The following KBTBD8 variants were observed in gnomAD, a reference collection of about 807,000 sequenced individuals.
KBTBD8 encodes the protein kelch repeat and BTB domain containing 8.
Under a neutral mutation model 53.5 loss-of-function variants are expected in KBTBD8, and 31 were observed. That is an observed-to-expected ratio of 0.58 (90% confidence interval 0.44 to 0.78). KBTBD8 has a LOEUF of 0.78. Ranked by LOEUF, KBTBD8 falls within the 30% of genes least tolerant of loss-of-function variation. The probability of loss-of-function intolerance (pLI) is 0.00; values close to 1 mark genes in which losing one functional copy is unlikely to be tolerated. For missense variants in KBTBD8, 642 were observed against 735.8 expected (o/e 0.87, Z 1.48); for synonymous variants, 250 against 247.3 (o/e 1.01, Z -0.10).
rs546508669 is a variant in KBTBD8, at chr3:67,007,304, T to C, written c.1343-618T>C. 1.2e-4 allele frequency among the ~76,000 whole-genome samples: 18 copies of C among 150,116 alleles called. No individual in the cohort carries two copies. In the South Asian group the frequency reaches 3.1e-3, roughly 26 times the overall value. On this transcript the variant is annotated intron_variant, in intron 3 of 3. Transcript: ENST00000417314. ...AAACACACAAATTGGATAGAGCAAA[T>C]AGAATCAAGTTTGTGTTTTTTTTTT...
intron 2 of KBTBD8, among the ~76,000 whole-genome samples, chr3:67,001,968 G>A (rs1316543946): frequency 6.6e-6 from 1 of 152,146 alleles, no homozygotes; most frequent in African/African-American, 2.4e-5. Flanking sequence ...GGCAAATGAT[G>A]TTTGCAAGTG....
chr3:67,008,167 T>G lies in KBTBD8; in HGVS notation c.1588T>G (p.Phe530Val), dbSNP rs1702086469. The G allele has an allele frequency of 6.2e-7, 1 of 1,614,050 alleles. No homozygotes were observed. The highest frequency in any genetic ancestry group is 1.3e-5 in the African/African-American group (1 of 74,940). Residue 530 changes from phenylalanine to valine, a missense_variant, in exon 4 of 4, where the codon TTC (phenylalanine) becomes GTC (valine). Phe to Val is a conservative substitution (Grantham distance 50). Coordinates refer to ENST00000417314, the MANE Select transcript of KBTBD8 (RefSeq NM_032505.3). ...AAATCCATACCTTAAACTGGTACTT[T>G]TCCAGAACAAACTCCATTTATTTGT... is the stretch of plus-strand genomic sequence containing the variant. ...SINPYLKLVL[F>V]QNKLHLFVRA...
rs776359270 is a variant in KBTBD8, at chr3:67,003,937, C to G, written c.970C>G (p.Leu324Val). 3.2e-5 allele frequency: 52 copies of G among 1,613,946 alleles called. No homozygotes were observed. Among genetic ancestry groups the G allele is most frequent in the Non-Finnish European group, 3.9e-5 (46 of 1,180,024 alleles). Reference sequence around the variant, plus strand: ...TAAACTATGCAAACCACCAAATGACCTGAGAGAAGTTGGGATTCTTGTATC... The same window carrying G: ...TAAACTATGCAAACCACCAAATGACGTGAGAGAAGTTGGGATTCTTGTATC... ...VFKLCKPPND[L>V]REVGILVSPD... Residue 324 changes from leucine to valine, a missense_variant, in exon 3 of 4, where the codon CTG becomes GTG. Physicochemically the swap from Leu to Val is conservative, Grantham distance 32. Transcript: ENST00000417314.
At chr3:66,998,903 GAC>G in intron 1 of KBTBD8, 76 bp from the exon 2 acceptor site, 1 of 1,093,750 alleles carries the variant, frequency 9.1e-7, no homozygotes, top group East Asian at 2.6e-5. Flanking sequence ...CTAGCAAGCA[GAC>G]ACACAAACAG....
At position 67,008,158 on chromosome 3, in the gene KBTBD8, C is replaced by T. The variant is rs367559555; in HGVS notation, c.1579C>T (p.Leu527=). 2.5e-6 allele frequency: 4 copies of T among 1,613,968 alleles called. No homozygotes were observed. The African/African-American group carries it at 4.0e-5, about 16-fold the overall frequency. Residue 527 remains leucine, a synonymous_variant, in exon 4 of 4, where the codon CTG becomes TTG. Transcript: ENST00000417314. ...CDQSINPYLK[L]VLFQNKLHLF... ...TCAGTCCATAAATCCATACCTTAAA[C>T]TGGTACTTTTCCAGAACAAACTCCA... is the stretch of plus-strand genomic sequence containing the variant.
At chr3:67,001,943 A>C (rs574476459) in intron 2 of KBTBD8, among the ~76,000 whole-genome samples, 81 of 152,322 alleles carry the variant, frequency 5.3e-4, no homozygotes, top group Middle Eastern at 6.8e-3. Flanking sequence ...GAAACTTTAA[A>C]GGAGCGAAAA....
chr3:67,005,716 C>T (rs780435768), intron 3 of KBTBD8, among the ~76,000 whole-genome samples: 2 of 151,102 alleles, frequency 1.3e-5, no homozygotes, highest in African/African-American at 2.4e-5. Context: ...CACTCTGTCA[C>T]CCAGGCTGGA....
At chr3:67,006,656 C>T (rs897068414) in intron 3 of KBTBD8, among the ~76,000 whole-genome samples, 1 of 152,168 alleles carries the variant, frequency 6.6e-6, no homozygotes, top group Non-Finnish European at 1.5e-5. Flanking sequence ...ATCACTGTTA[C>T]GAAGTACGTA....
rs575189883 is a variant in KBTBD8 at position 67,009,166 on chromosome 3, A to G, written c.*781A>G. The G allele has an allele frequency of 1.3e-5, 2 of 152,638 alleles. No homozygotes were observed. The highest frequency in any genetic ancestry group is 2.4e-5 in the African/African-American group (1 of 41,454). The allele number at this position is 152,638 out of a possible 1,614,324, so 9.5% of individuals were successfully genotyped here. Reference sequence around the variant, plus strand: ...ATTTAAATGGTCTGAGCCTATGCCTATCTTTCAAATTGGTGTGGATTTCAT... The same window carrying G: ...ATTTAAATGGTCTGAGCCTATGCCTGTCTTTCAAATTGGTGTGGATTTCAT... On this transcript the variant is annotated 3_prime_UTR_variant, in exon 4 of 4. Transcript: ENST00000417314.
At chr3:67,005,668 A>T (rs1312574553) in intron 3 of KBTBD8, among the ~76,000 whole-genome samples, 205 of 117,796 alleles carry the variant, frequency 1.7e-3, no homozygotes, top group African/African-American at 2.1e-3. Context: ...CTTTTCTTTC[A>T]TTTCTTTCTT....
intron 3 of KBTBD8, 119 bp from the exon 4 acceptor site, chr3:67,007,803 A>C: frequency 1.7e-6 from 1 of 586,646 alleles, no homozygotes; most frequent in East Asian, 2.8e-5. Flanking sequence ...GAAATGTTTT[A>C]GAAAGTGAAA....
At position 67,003,229 on chromosome 3, in the gene KBTBD8, C is replaced by G. The variant is rs775014741; in HGVS notation, c.262C>G (p.Gln88Glu). Reference protein sequence around the residue: ...MFTSGLTESTQKEVRIVGVEA... With the variant: ...MFTSGLTESTEKEVRIVGVEA... The stretch of plus-strand genomic sequence containing the variant: ...CACTAGCGGCCTTACAGAAAGTACT[C>G]AAAAAGAAGTTCGAATAGTTGGTGT... Residue 88 changes from glutamine to glutamate, a missense_variant, in exon 3 of 4, where the codon CAA becomes GAA. Gln to Glu is a conservative substitution (Grantham distance 29). Coordinates refer to ENST00000417314, the MANE Select transcript of KBTBD8 (RefSeq NM_032505.3). The G allele has an allele frequency of 1.2e-6, 2 of 1,613,654 alleles. No homozygotes were observed. The highest frequency in any genetic ancestry group is 1.1e-5 in the South Asian group (1 of 91,074).
At chr3:66,998,875 C>G in intron 1 of KBTBD8, 106 bp from the exon 2 acceptor site, 1 of 851,006 alleles carries the variant, frequency 1.2e-6, no homozygotes, top group African/African-American at 1.7e-5. Flanking sequence ...TTGTATATAT[C>G]TTGTAGGGGG....
chr3:67,003,342 T>G lies in KBTBD8; in HGVS notation c.375T>G (p.Thr125=). The G allele has an allele frequency of 6.2e-7, 1 of 1,614,238 alleles. No individual in the cohort carries two copies. The highest frequency in any genetic ancestry group is 1.3e-5 in the African/African-American group (1 of 75,070). Reference sequence around the variant, plus strand: ...AGGCCAATGTTCAAGCCTTGTTCACTGCAGCTAGCATCTTCCAGATTCCTT... The same window carrying G: ...AGGCCAATGTTCAAGCCTTGTTCACGGCAGCTAGCATCTTCCAGATTCCTT... ...LTEANVQALF[T]AASIFQIPSI... Residue 125 remains threonine, a synonymous_variant, in exon 3 of 4, where the codon ACT becomes ACG. Coordinates refer to ENST00000417314, the MANE Select transcript of KBTBD8 (RefSeq NM_032505.3).
chr3:67,005,156 T>G (rs1702054411), intron 3 of KBTBD8, among the ~76,000 whole-genome samples: 1 of 152,206 alleles, frequency 6.6e-6, no homozygotes, highest in African/African-American at 2.4e-5. Context: ...TCTTACACAT[T>G]TTAGTTGCTT....
chr3:66,998,361 C>T lies in KBTBD8; in HGVS notation c.6C>T (p.Ala2=), dbSNP rs1364727217. The T allele has an allele frequency of 7.8e-7, 1 of 1,279,586 alleles. No individual in the cohort carries two copies. The highest frequency in any genetic ancestry group is 3.2e-5 in the East Asian group (1 of 31,518). The allele number at this position is 1,279,586 out of a possible 1,614,324, so 79.3% of individuals were successfully genotyped here. ...AGTCGGGGCCCCATCGAGAAATGGC[C>T]GCGTCGGCAGGTGGGTCGTGTGGTG... is the stretch of plus-strand genomic sequence containing the variant. The part of the protein sequence containing the change: M[A]ASADLSKSSP... Residue 2 remains alanine, a synonymous_variant, in exon 1 of 4, where the codon GCC becomes GCT. Coordinates refer to ENST00000417314, the MANE Select transcript of KBTBD8 (RefSeq NM_032505.3).
rs1191475236 is a variant in KBTBD8 at position 67,008,310 on chromosome 3, G to A, written c.1731G>A (p.Arg577=). The A allele has an allele frequency of 6.2e-6, 10 of 1,613,498 alleles. No homozygotes were observed. The highest frequency in any genetic ancestry group is 7.6e-6 in the Non-Finnish European group (9 of 1,180,006). ...TGAAAGTGTATGAGACCCCAGATCGGCTCTGGGACCTTGGCCGGCATTTTG... is the reference window on the plus strand; with the variant it reads ...TGAAAGTGTATGAGACCCCAGATCGACTCTGGGACCTTGGCCGGCATTTTG... ...QWMKVYETPD[R]LWDLGRHFEC... is the part of the protein sequence containing the mutation. Residue 577 remains arginine (R), a synonymous_variant, in exon 4 of 4, where the codon CGG becomes CGA. Transcript: ENST00000417314.
Position 67,003,532 on chromosome 3 carries a change from C to T in KBTBD8, c.565C>T (p.Leu189Phe). Residue 189 changes from leucine (L) to phenylalanine (F), a missense_variant, in exon 3 of 4, where the codon CTC becomes TTC. Physicochemically the swap from Leu to Phe is conservative, Grantham distance 22. Transcript: ENST00000417314. ...FLCVTKEQEF[L>F]QLTKDQLISI... is the part of the protein sequence containing the mutation. ...GTGTGTCACCAAAGAACAAGAGTTT[C>T]TCCAGTTGACAAAAGACCAACTGAT... 1 of 1,614,008 alleles carries T rather than the reference C, an allele frequency of 6.2e-7. No individual in the cohort carries two copies. The highest frequency in any genetic ancestry group is 1.1e-5 in the South Asian group (1 of 91,078).
chr3:67,006,448 T>G (rs1702064713), intron 3 of KBTBD8, among the ~76,000 whole-genome samples: 1 of 152,254 alleles, frequency 6.6e-6, no homozygotes, highest in Non-Finnish European at 1.5e-5. Flanking sequence ...CTTTAGATTT[T>G]AACATTCAAC....
Sources: allele counts gnomAD v4.1 joint callset (sites outside exome capture counted in the v4.1 genomes callset), GRCh38; gene constraint gnomAD v4.1.1; transcripts MANE v1.5; gene names NCBI Gene and HGNC (gene_info 2026-07-23, HGNC 2026-07-21).